The following LRRTM4 variants were observed in gnomAD, a reference collection of about 807,000 sequenced individuals.
The protein encoded by LRRTM4 is leucine-rich repeat transmembrane neuronal protein 4.
LRRTM4 carries 25 observed loss-of-function variants against 47.6 expected under a neutral mutation model. The observed-to-expected ratio is 0.53, with a 90% confidence interval of 0.38 to 0.73. LRRTM4 has a LOEUF of 0.73. Ranked by LOEUF, LRRTM4 falls within the 30% of genes least tolerant of loss-of-function variation. LRRTM4 has a pLI of 0.00. For synonymous variants in LRRTM4, 311 were observed against 269.5 expected (o/e 1.15, Z -1.51); for missense variants, 638 against 713.4 (o/e 0.89, Z 1.20).
At chr2:76,980,107 A>G (rs1048861724) in intron 3 of LRRTM4, among the ~76,000 whole-genome samples, 1 of 152,090 alleles carries the variant, frequency 6.6e-6, no homozygotes, top group Admixed American at 6.6e-5. Context: ...ATAATACATA[A>G]ACTAAAATAT....
chr2:77,432,986 G>C (rs1380085893), intron 3 of LRRTM4, among the ~76,000 whole-genome samples: 1 of 152,138 alleles, frequency 6.6e-6, no homozygotes, highest in Non-Finnish European at 1.5e-5. Flanking sequence ...TACATCTTCT[G>C]CCAGTGAAAA....
At chr2:76,908,325 T>C (rs887707660) in intron 3 of LRRTM4, among the ~76,000 whole-genome samples, 4 of 152,088 alleles carry the variant, frequency 2.6e-5, no homozygotes, top group Non-Finnish European at 5.9e-5. Flanking sequence ...ATAAATTAGG[T>C]ATTGATGGGC....
intron 3 of LRRTM4, among the ~76,000 whole-genome samples, chr2:77,211,839 TTTAA>T (rs1161997030): frequency 6.6e-6 from 1 of 152,128 alleles, no homozygotes; most frequent in Non-Finnish European, 1.5e-5. Context: ...TAATATAAAA[TTTAA>T]TTATTACATT....
At chr2:76,793,999 G>T (rs1437907728) in intron 3 of LRRTM4, among the ~76,000 whole-genome samples, 1 of 152,194 alleles carries the variant, frequency 6.6e-6, no homozygotes, top group Non-Finnish European at 1.5e-5. Context: ...ATATTTTTCT[G>T]TGTGTCTCTA....
intron 3 of LRRTM4, among the ~76,000 whole-genome samples, chr2:76,929,331 A>T (rs886134863): frequency 6.6e-6 from 1 of 152,128 alleles, no homozygotes; most frequent in Non-Finnish European, 1.5e-5. Context: ...CAACAAATGC[A>T]TTTGTGCCCA....
chr2:77,335,975 G>A (rs1671147026), intron 3 of LRRTM4, among the ~76,000 whole-genome samples: 1 of 152,062 alleles, frequency 6.6e-6, no homozygotes, highest in Non-Finnish European at 1.5e-5. Flanking sequence ...ATGAATGGGA[G>A]TAACTGGGTT....
chr2:77,489,282 T>TGAC (rs1678047566), intron 3 of LRRTM4, among the ~76,000 whole-genome samples: 1 of 152,168 alleles, frequency 6.6e-6, no homozygotes, highest in Non-Finnish European at 1.5e-5. Flanking sequence ...TGTCCACAGG[T>TGAC]AGTCCTTCAA....
At chr2:77,110,171 C>T in intron 3 of LRRTM4, among the ~76,000 whole-genome samples, 1 of 152,082 alleles carries the variant, frequency 6.6e-6, no homozygotes, top group East Asian at 1.9e-4. Context: ...TTGGAGTGAA[C>T]CTTCAGAACA....
At chr2:76,820,238 C>T (rs1428040835) in intron 3 of LRRTM4, among the ~76,000 whole-genome samples, 1 of 151,740 alleles carries the variant, frequency 6.6e-6, no homozygotes, top group Non-Finnish European at 1.5e-5. Context: ...GGATAATCTA[C>T]TTTGTCCATT....
intron 3 of LRRTM4, among the ~76,000 whole-genome samples, chr2:77,186,756 G>C (rs1220565154): frequency 6.6e-6 from 1 of 152,064 alleles, no homozygotes; most frequent in Non-Finnish European, 1.5e-5. Flanking sequence ...CATTTATGGA[G>C]AGATTTATAC....
chr2:77,444,594 A>C (rs1164140222), intron 3 of LRRTM4, among the ~76,000 whole-genome samples: 1 of 152,058 alleles, frequency 6.6e-6, no homozygotes, highest in Non-Finnish European at 1.5e-5. Context: ...TTCATGCACT[A>C]ATCATATATC....
intron 3 of LRRTM4, among the ~76,000 whole-genome samples, chr2:77,023,159 G>A (rs536269602): frequency 2.0e-5 from 3 of 152,364 alleles, no homozygotes; most frequent in East Asian, 3.9e-4. Flanking sequence ...ACCCTTTGAA[G>A]CCACAGCCCA....
chr2:76,768,286 T>G (rs112753941), intron 3 of LRRTM4, among the ~76,000 whole-genome samples: 388 of 152,316 alleles, frequency 2.5e-3, no homozygotes, highest in African/African-American at 9.0e-3. Context: ...TGGTAACTTC[T>G]TCTATCTATT....
chr2:76,892,373 A>G (rs1451562418), intron 3 of LRRTM4, among the ~76,000 whole-genome samples: 1 of 151,790 alleles, frequency 6.6e-6, no homozygotes, highest in Non-Finnish European at 1.5e-5. Flanking sequence ...ACTGGTAATA[A>G]TATGAACAAC....
At position 76,951,261 on chromosome 2, in the gene LRRTM4, G is replaced by A. The variant is rs377662272; in HGVS notation, c.1552-202345C>T. ...TGTGATTTAACTTGTCAACATGTAT[G>A]AAATTTAATGGTAAATATGAAAGAC... is the stretch of plus-strand genomic sequence containing the variant. On this transcript the variant is annotated intron_variant, in intron 3 of 3. Transcript: ENST00000409884. Among the ~76,000 whole-genome samples the A allele has an allele frequency of 1.4e-4, 21 of 152,138 alleles. 1 individual carries two copies. The South Asian group carries it at 4.1e-3, about 30-fold the overall frequency.
chr2:76,842,906 AG>A (rs1671729687), intron 3 of LRRTM4, among the ~76,000 whole-genome samples: 1 of 152,174 alleles, frequency 6.6e-6, no homozygotes, highest in Admixed American at 6.6e-5. Flanking sequence ...CACCTATATT[AG>A]GAGAGAATAT....
intron 3 of LRRTM4, among the ~76,000 whole-genome samples, chr2:77,089,384 C>T (rs965045629): frequency 9.2e-5 from 14 of 151,830 alleles, no homozygotes; most frequent in South Asian, 4.2e-4. Context: ...CTTATTTCCA[C>T]GCCCCAACCT....
intron 3 of LRRTM4, among the ~76,000 whole-genome samples, chr2:77,005,747 G>A (rs4853290): frequency 0.22 from 33,110 of 152,036 alleles, 4,001 homozygotes; most frequent in East Asian, 0.41. Context: ...CAGTGATTGC[G>A]AGGCCTCTCC....
At chr2:77,397,883 A>G (rs1673763488) in intron 3 of LRRTM4, among the ~76,000 whole-genome samples, 1 of 151,878 alleles carries the variant, frequency 6.6e-6, no homozygotes, top group African/African-American at 2.4e-5. Flanking sequence ...AAAAATTACC[A>G]GGCTGGCATT....
Sources: allele counts gnomAD v4.1 joint callset (sites outside exome capture counted in the v4.1 genomes callset), GRCh38; gene constraint gnomAD v4.1.1; transcripts MANE v1.5; gene names NCBI Gene and HGNC (gene_info 2026-07-23, HGNC 2026-07-21).